The following SLC1A5 variants were observed in gnomAD, a reference collection of about 807,000 sequenced individuals.
The protein encoded by SLC1A5 is solute carrier family 1 member 5.
A neutral mutation model predicts 34.9 loss-of-function variants in SLC1A5; 25 were observed. The ratio of observed to expected loss-of-function variants is 0.72; its 90% CI spans 0.52 to 1.00. SLC1A5 has a LOEUF of 1.00. Among genes scored for constraint, SLC1A5 ranks in the 50% least tolerant of loss-of-function variants. The pLI, the probability that SLC1A5 is intolerant of heterozygous loss-of-function variation, is 0.00. For synonymous variants in SLC1A5, 351 were observed against 341.2 expected, an observed-to-expected ratio of 1.03 and a Z score of -0.32; for missense variants, 637 against 740.0, an observed-to-expected ratio of 0.86 and a Z score of 1.61.
At chr19:46,784,857 C>G in intron 1 of SLC1A5, 1 of 1,382,076 alleles carries the variant, frequency 7.2e-7, no homozygotes, top group Admixed American at 3.1e-5. Flanking sequence ...CAGGTCGCCC[C>G]GGGCCTCAGC....
intron 5 of SLC1A5, 29 bp downstream of exon 5, chr19:46,778,646 T>TACCA: frequency 2.4e-6 from 3 of 1,235,838 alleles, no homozygotes; most frequent in Non-Finnish European, 2.3e-6. Context: ...GGATTAAACA[T>TACCA]CCCACCCTAG....
chr19:46,778,735 G>A lies in SLC1A5; in HGVS notation c.998C>T (p.Pro333Leu). The A allele has an allele frequency of 1.2e-6, 2 of 1,614,064 alleles. No individual in the cohort carries two copies. Among genetic ancestry groups the A allele is most frequent in the East Asian group, 2.2e-5 (1 of 44,884 alleles). The change falls in exon 5 of 8, where the codon CCC becomes CTC. Residue 333 changes from proline (P) to leucine (L), a missense_variant. Physicochemically the swap from Pro to Leu is moderately conservative, Grantham distance 98. Coordinates refer to ENST00000542575, the MANE Select transcript of SLC1A5 (RefSeq NM_005628.3). ...LIYFLFTRKN[P>L]YRFLWGIVTP... ...CACGATGCCCCACAGGAAGCGGTAGGGGTTTTTGCGGGTGAAGAGGAAGTA... is the reference window on the plus strand; with the variant it reads ...CACGATGCCCCACAGGAAGCGGTAGAGGTTTTTGCGGGTGAAGAGGAAGTA...
intron 3 of SLC1A5, among the ~76,000 whole-genome samples, chr19:46,783,553 C>T (rs113587883): frequency 1.9e-4 from 29 of 151,634 alleles, no homozygotes; most frequent in African/African-American, 6.3e-4. Flanking sequence ...CAGCACTTTG[C>T]GAGGCGGCCA....
In SLC1A5 at chr19:46,777,191, C is replaced by T; in HGVS notation, c.1253+20G>A. The T allele has an allele frequency of 6.2e-7, 1 of 1,600,670 alleles. No individual in the cohort carries two copies. The highest frequency in any genetic ancestry group is 8.5e-7 in the Non-Finnish European group (1 of 1,171,770). ...TCAACAGGGGTCCGGGGGTCCCATC[C>T]GCAGCCCCCTGACACTCACAGGATG... On this transcript the variant is annotated intron_variant, in intron 6 of 7. Transcript: ENST00000542575.
intron 5 of SLC1A5, among the ~76,000 whole-genome samples, chr19:46,778,466 G>A (rs573147032): frequency 5.3e-5 from 8 of 152,262 alleles, no homozygotes; most frequent in Non-Finnish European, 8.8e-5. Flanking sequence ...CCAGGGCCAC[G>A]GGGAGGCAGT....
At chr19:46,782,345 A>AACCCCCCCCCCCCCCCCCC in intron 4 of SLC1A5, 38 bp downstream of exon 4, 2 of 292,428 alleles carry the variant, frequency 6.8e-6, no homozygotes, top group Non-Finnish European at 1.3e-5. Flanking sequence ...CCGACCCTCC[A>AACCCCCCCCCCCCCCCCCC]ACCCCACCCA....
intron 3 of SLC1A5, among the ~76,000 whole-genome samples, chr19:46,783,521 C>A (rs1295041435): frequency 6.6e-6 from 1 of 150,896 alleles, no homozygotes; most frequent in African/African-American, 2.4e-5. Flanking sequence ...GGGCCAGGAG[C>A]AGTGCCTCAC....
intron 3 of SLC1A5, 74 bp from the exon 4 acceptor site, chr19:46,782,623 G>A (rs2055156396): frequency 3.2e-6 from 5 of 1,554,766 alleles, no homozygotes; most frequent in Non-Finnish European, 2.6e-6. Context: ...CCTGTCCTTG[G>A]CACCACTGGG....
At chr19:46,776,631 GTTC>G (rs759987824) in intron 7 of SLC1A5, 1 of 244,442 alleles carries the variant, frequency 4.1e-6, no homozygotes, top group Non-Finnish European at 8.0e-6. Flanking sequence ...GGGAGAGACT[GTTC>G]TTCTCCCCGT....
Position 46,788,066 on chromosome 19 carries a change from A to T in SLC1A5, c.-101T>A. The T allele has an allele frequency of 9.0e-7, 1 of 1,111,322 alleles. No homozygotes were observed. Among genetic ancestry groups the T allele is most frequent in the Non-Finnish European group, 1.3e-6 (1 of 794,976 alleles). 68.8% of individuals were successfully genotyped at this position (1,111,322 alleles called of 1,614,324 possible). ...TCCTAGGACTGAGTTGAGTAACAGC[A>T]CCTGGAGACTGGAACTTTGGAGGGC... On this transcript the variant is annotated 5_prime_UTR_variant, in exon 1 of 8. Coordinates refer to ENST00000542575, the MANE Select transcript of SLC1A5 (RefSeq NM_005628.3).
intron 1 of SLC1A5, among the ~76,000 whole-genome samples, chr19:46,785,059 TGTGTGACA>T (rs368458379): frequency 2.9e-4 from 44 of 152,268 alleles, no homozygotes; most frequent in African/African-American, 1.1e-3. Context: ...CCCTTACTCT[TGTGTGACA>T]GTGTCTGCCT....
rs1332355890 is a variant in SLC1A5 at position 46,775,177 on chromosome 19, C to A, written c.*333G>T. On this transcript the variant is annotated 3_prime_UTR_variant, in exon 8 of 8. Coordinates refer to ENST00000542575, the MANE Select transcript of SLC1A5 (RefSeq NM_005628.3). ...TCCCCCCAGTGGGGGCTAGAATTCC[C>A]CATGGTGACCTGTGACCTGCTCCCT... 1 of 1,068,604 alleles carries A rather than the reference C, an allele frequency of 9.4e-7. No individual in the cohort carries two copies. 66.2% of individuals were successfully genotyped at this position (1,068,604 alleles called of 1,614,324 possible).
At chr19:46,780,457 G>A (rs965101813) in intron 4 of SLC1A5, among the ~76,000 whole-genome samples, 2 of 151,982 alleles carry the variant, frequency 1.3e-5, no homozygotes, top group East Asian at 1.9e-4. Context: ...AGGTTCAAGC[G>A]ATTTTCATGC....
chr19:46,787,678 C>G lies in SLC1A5; in HGVS notation c.288G>C (p.Leu96=), dbSNP rs1211072804. The G allele has an allele frequency of 1.9e-6, 3 of 1,592,636 alleles. No homozygotes were observed. The highest frequency in any genetic ancestry group is 2.6e-6 in the Non-Finnish European group (3 of 1,173,558). ...AGATGATCATCCGCAGCAGACGCAG[C>G]AGCAGCTCGCCCGGGAAGACGAAGG... ...LSAFVFPGEL[L]LRLLRMIILP... Residue 96 remains leucine, a synonymous_variant, in exon 1 of 8, where the codon CTG becomes CTC. Coordinates refer to ENST00000542575, the MANE Select transcript of SLC1A5 (RefSeq NM_005628.3). This position sits in a 1 kb window ranked among gnomAD's most constrained non-coding sequence, Gnocchi z 5.2.
At chr19:46,780,357 C>CTAT (rs907299874) in intron 4 of SLC1A5, among the ~76,000 whole-genome samples, 113 of 151,324 alleles carry the variant, frequency 7.5e-4, no homozygotes, top group Non-Finnish European at 1.2e-3. Context: ...TTTTAAATTA[C>CTAT]TATTATTATT....
At chr19:46,777,428 G>C in intron 5 of SLC1A5, 23 bp from the exon 6 acceptor site, 1 of 1,589,362 alleles carries the variant, frequency 6.3e-7, no homozygotes, top group Non-Finnish European at 8.6e-7. Context: ...GGGGAGCTGA[G>C]TTAGGTTAAC....
intron 4 of SLC1A5, 45 bp downstream of exon 4, chr19:46,782,338 A>ACCCAACCAACCCCCCCCCC: frequency 9.9e-7 from 1 of 1,009,384 alleles, no homozygotes; most frequent in Non-Finnish European, 1.5e-6. Flanking sequence ...CAGCAGACCG[A>ACCCAACCAACCCCCCCCCC]CCCTCCAACC....
chr19:46,779,608 G>A (rs1051842501), intron 4 of SLC1A5, among the ~76,000 whole-genome samples: 22 of 151,626 alleles, frequency 1.5e-4, no homozygotes, highest in African/African-American at 5.3e-4. Context: ...GATGATGAAA[G>A]ATAAAGAGGC....
intron 4 of SLC1A5, 57 bp from the exon 5 acceptor site, chr19:46,778,965 C>T (rs1353128078): frequency 2.3e-6 from 3 of 1,332,878 alleles, no homozygotes; most frequent in Middle Eastern, 1.9e-4. Flanking sequence ...AGTGGCCAGG[C>T]GTGAGGCTCA....
Sources: gnomAD v4.1 joint callset for allele counts (sites outside exome capture counted in the v4.1 genomes callset) on GRCh38, gnomAD v4.1.1 for gene constraint, Gnocchi (gnomAD v3.1) non-coding constraint, MANE v1.5 for transcripts, NCBI Gene and HGNC (gene_info 2026-07-23, HGNC 2026-07-21) for gene names.